The following PCDH7 variants were observed in gnomAD, a reference collection of about 807,000 sequenced individuals.
PCDH7 encodes protocadherin-7.
In PCDH7, 17 loss-of-function variants were observed where a neutral mutation model predicts 58.9. That is an observed-to-expected ratio of 0.29 (90% CI 0.20 to 0.43). The LOEUF is 0.43. PCDH7 is among the 20% of genes least tolerant of loss of function. The pLI, the probability that PCDH7 is intolerant of heterozygous loss-of-function variation, is 1.00. For synonymous variants in PCDH7, 664 were observed against 616.4 expected (o/e 1.08, Z -1.14); for missense variants, 1,274 against 1,441.0 (o/e 0.88, Z 1.88).
At chr4:30,901,512 TAA>T (rs1242627064) in intron 1 of PCDH7, among the ~76,000 whole-genome samples, 1 of 152,168 alleles carries the variant, frequency 6.6e-6, no homozygotes, top group Non-Finnish European at 1.5e-5. Context: ...AATATTTTTT[TAA>T]GTTTCCCAGG....
chr4:30,752,790 A>T (rs1718733873), intron 1 of PCDH7, among the ~76,000 whole-genome samples: 1 of 149,720 alleles, frequency 6.7e-6, no homozygotes, highest in African/African-American at 2.4e-5. Flanking sequence ...GGGCAAAAAA[A>T]AAAAAAAAAA....
chr4:30,835,810 A>G (rs924366796), intron 1 of PCDH7, among the ~76,000 whole-genome samples: 3 of 152,212 alleles, frequency 2.0e-5, no homozygotes, highest in Non-Finnish European at 2.9e-5. Context: ...ATATGAATGC[A>G]TGCTGAACAT....
chr4:30,831,810 T>C (rs117985582), intron 1 of PCDH7, among the ~76,000 whole-genome samples: 1 of 152,306 alleles, frequency 6.6e-6, no homozygotes, highest in East Asian at 1.9e-4. Context: ...AGAGTTATTA[T>C]TGATGAATAT....
At chr4:30,779,095 A>G (rs1169326242) in intron 1 of PCDH7, among the ~76,000 whole-genome samples, 1 of 137,836 alleles carries the variant, frequency 7.3e-6, no homozygotes, top group Non-Finnish European at 1.5e-5. Flanking sequence ...ATCTCAGCTC[A>G]CTGCAACCTT....
chr4:30,991,388 G>C (rs1198968535), intron 3 of PCDH7, among the ~76,000 whole-genome samples: 1 of 152,174 alleles, frequency 6.6e-6, no homozygotes. Flanking sequence ...GTTGTGAGAG[G>C]GAGGAAAGAG....
intron 1 of PCDH7, among the ~76,000 whole-genome samples, chr4:30,888,823 A>G (rs1217969869): frequency 1.3e-5 from 2 of 152,152 alleles, no homozygotes; most frequent in South Asian, 2.1e-4. Flanking sequence ...TACTTACACT[A>G]TTTTATTGGA....
chr4:30,741,325 G>A (rs1455842653), intron 1 of PCDH7, among the ~76,000 whole-genome samples: 1 of 150,800 alleles, frequency 6.6e-6, no homozygotes. Flanking sequence ...CAAATAACTG[G>A]TGCTACAAGT....
chr4:31,060,238 A>T (rs777876150), intron 3 of PCDH7, among the ~76,000 whole-genome samples: 13 of 151,776 alleles, frequency 8.6e-5, no homozygotes, highest in Non-Finnish European at 1.5e-4. Context: ...ATGAAAGTAG[A>T]TATCTTTGTA....
intron 3 of PCDH7, among the ~76,000 whole-genome samples, chr4:31,124,786 C>T (rs554104489): frequency 6.6e-6 from 1 of 152,206 alleles, no homozygotes; most frequent in African/African-American, 2.4e-5. Context: ...TAGAAGAAAC[C>T]CAATTGTGAT....
chr4:31,016,411 T>C (rs1244698195), intron 3 of PCDH7, among the ~76,000 whole-genome samples: 2 of 151,814 alleles, frequency 1.3e-5, no homozygotes, highest in Admixed American at 6.6e-5. Context: ...TTTTTTTTTT[T>C]TTGCAGAACA....
intron 2 of PCDH7, among the ~76,000 whole-genome samples, chr4:30,944,299 TA>T (rs1053230806): frequency 2.0e-5 from 3 of 152,106 alleles, no homozygotes; most frequent in African/African-American, 7.2e-5. Context: ...TCACTTTTTT[TA>T]AATATAGTAA....
chr4:31,044,777 C>G (rs945621291), intron 3 of PCDH7, among the ~76,000 whole-genome samples: 1 of 151,886 alleles, frequency 6.6e-6, no homozygotes, highest in Non-Finnish European at 1.5e-5. Flanking sequence ...AGCTTGGAGT[C>G]CTTTCTTAGG....
intron 1 of PCDH7, among the ~76,000 whole-genome samples, chr4:30,837,995 G>A (rs1205531220): frequency 6.6e-6 from 1 of 151,112 alleles, no homozygotes; most frequent in Admixed American, 6.6e-5. Context: ...ATCCACAAGA[G>A]CATGTTAAGT....
intron 1 of PCDH7, among the ~76,000 whole-genome samples, chr4:30,798,094 T>C (rs569015605): frequency 5.3e-5 from 8 of 152,298 alleles, no homozygotes; most frequent in African/African-American, 1.9e-4. Context: ...GTCCAGGCTC[T>C]AGTGGAGGAC....
chr4:30,913,551 G>T (rs1742049396), intron 1 of PCDH7, among the ~76,000 whole-genome samples: 1 of 152,062 alleles, frequency 6.6e-6, no homozygotes, highest in Non-Finnish European at 1.5e-5. Context: ...AGCTTTTCAT[G>T]TCATCTCTAA....
intron 3 of PCDH7, among the ~76,000 whole-genome samples, chr4:31,076,192 G>A (rs1159451665): frequency 6.6e-6 from 1 of 152,186 alleles, no homozygotes; most frequent in Non-Finnish European, 1.5e-5. Context: ...ACACAGTAAT[G>A]TCTGAAGGAT....
intron 1 of PCDH7, among the ~76,000 whole-genome samples, chr4:30,836,412 A>G (rs574029083): frequency 6.6e-6 from 1 of 152,304 alleles, no homozygotes; most frequent in South Asian, 2.1e-4. Flanking sequence ...TAACAATCTG[A>G]ATGTTGTCTT....
chr4:30,752,014 C>T (rs904851783), intron 1 of PCDH7, among the ~76,000 whole-genome samples: 7 of 152,240 alleles, frequency 4.6e-5, no homozygotes, highest in Non-Finnish European at 1.0e-4. Context: ...TAATCTTAGA[C>T]ATAAAAAACT....
At chr4:30,825,345 T>G (rs1191374404) in intron 1 of PCDH7, among the ~76,000 whole-genome samples, 3 of 152,190 alleles carry the variant, frequency 2.0e-5, no homozygotes, top group Non-Finnish European at 4.4e-5. Context: ...TAACTTACAC[T>G]TTACAGAATG....
Sources: allele counts gnomAD v4.1 joint callset (sites outside exome capture counted in the v4.1 genomes callset), GRCh38; gene constraint gnomAD v4.1.1; transcripts MANE v1.5; gene names NCBI Gene and HGNC (gene_info 2026-07-23, HGNC 2026-07-21).